Variants in CASP8 observed in about 807,000 individuals in gnomAD.
CASP8 encodes the protein caspase-8.
Under a neutral mutation model 46.3 loss-of-function variants are expected in CASP8, and 24 were observed. The ratio of observed to expected loss-of-function variants is 0.52; its 90% confidence interval spans 0.38 to 0.73. The LOEUF (loss-of-function observed/expected upper bound fraction) is 0.73, where lower values mean the gene tolerates loss of function less well. CASP8 is among the 30% of genes least tolerant of loss of function. CASP8 has a pLI of 0.00. For synonymous variants in CASP8, 188 were observed against 200.4 expected (o/e 0.94, Z 0.52); for missense variants, 460 against 559.0 (o/e 0.82, Z 1.79).
chr2:201,279,236 C>T (rs1257231768), intron 7 of CASP8, among the ~76,000 whole-genome samples: 1 of 152,256 alleles, frequency 6.6e-6, no homozygotes, highest in East Asian at 1.9e-4. Flanking sequence ...TATTCTTATT[C>T]TACCATCATA....
Position 201,260,624 on chromosome 2 carries a change from G to A in CASP8, c.-27+11G>A. On this transcript the variant is annotated intron_variant, in intron 1 of 8. Coordinates refer to ENST00000673742, the MANE Select transcript of CASP8 (RefSeq NM_001372051.1). Reference sequence around the variant, plus strand: ...CATCGTGAGAGTAAGGTAAGGATTTGCCTCTTTGTTAAGGTCAGAGGGGCC... The same window carrying A: ...CATCGTGAGAGTAAGGTAAGGATTTACCTCTTTGTTAAGGTCAGAGGGGCC... 2.1e-6 allele frequency: 2 copies of A among 952,270 alleles called. No homozygotes were observed. Among genetic ancestry groups the A allele is most frequent in the African/African-American group, 1.8e-5 (1 of 56,676 alleles). The allele number at this position is 952,270 out of a possible 1,614,324, so 59.0% of individuals were successfully genotyped here.
chr2:201,274,929 A>C lies in CASP8; in HGVS notation c.636A>C (p.Pro212=). The part of the protein sequence containing the change: ...LCGVMTISDS[P]REQDSESQTL... ...GGGTAATGACAATCTCGGACTCTCC[A>C]AGAGAACAGGATAGTGAATCACAGG... Residue 212 remains proline (P), a synonymous_variant, in exon 6 of 9, where the codon CCA becomes CCC. Transcript: ENST00000673742. 2 of 1,613,210 alleles carry C rather than the reference A, an allele frequency of 1.2e-6. No homozygotes were observed. The highest frequency in any genetic ancestry group is 1.7e-6 in the Non-Finnish European group (2 of 1,179,240).
chr2:201,284,828 C>T lies in CASP8; in HGVS notation c.815C>T (p.Thr272Met), dbSNP rs139337151. Residue 272 changes from threonine (T) to methionine (M), a missense_variant, in exon 8 of 9, where the codon ACG (threonine) becomes ATG (methionine). Physicochemically the swap from Thr to Met is moderately conservative, Grantham distance 81 (BLOSUM62 -1). Coordinates refer to ENST00000673742, the MANE Select transcript of CASP8 (RefSeq NM_001372051.1). Reference protein sequence around the residue: ...GTHLDAGALTTTFEELHFEIK... With the variant: ...GTHLDAGALTMTFEELHFEIK... Reference sequence around the variant, plus strand: ...TTTCACTTTTCAGGGGCTTTGACCACGACCTTTGAAGAGCTTCATTTTGAG... The same window carrying T: ...TTTCACTTTTCAGGGGCTTTGACCATGACCTTTGAAGAGCTTCATTTTGAG... The T allele has an allele frequency of 1.7e-5, 27 of 1,613,530 alleles. No homozygotes were observed. Among genetic ancestry groups the T allele is most frequent in the South Asian group, 5.5e-5 (5 of 91,068 alleles).
upstream of CASP8, among the ~76,000 whole-genome samples, chr2:201,255,549 G>A (rs1946976864): frequency 6.6e-6 from 1 of 152,182 alleles, no homozygotes; most frequent in Admixed American, 6.5e-5. Flanking sequence ...CTGCTAGGCT[G>A]GGCCTGGGTA....
intron 2 of CASP8, among the ~76,000 whole-genome samples, chr2:201,251,464 G>A (rs1427439783): frequency 6.0e-5 from 9 of 149,980 alleles, no homozygotes; most frequent in Non-Finnish European, 8.9e-5. Flanking sequence ...GCGTGGTGGC[G>A]TGTGCCTGTA....
intron 7 of CASP8, chr2:201,281,849 T>C: frequency 2.7e-6 from 4 of 1,469,770 alleles, no homozygotes; most frequent in Non-Finnish European, 3.6e-6. Context: ...AGAATGTTTT[T>C]AGCTGGTGGC....
chr2:201,253,293 CTTTTTTTTTTTTTTTTTT>C (rs34341476), intron 2 of CASP8, among the ~76,000 whole-genome samples: 2 of 67,964 alleles, frequency 2.9e-5, no homozygotes, highest in Non-Finnish European at 5.2e-5. Context: ...CTAGCCTGAT[CTTTTTTTTTTTTTTTTTT>C]TTTTTTTTTT....
At chr2:201,268,647 AT>A (rs1251899903) in intron 2 of CASP8, among the ~76,000 whole-genome samples, 1 of 152,234 alleles carries the variant, frequency 6.6e-6, no homozygotes, top group African/African-American at 2.4e-5. Context: ...AGTTTTTAAA[AT>A]GTGTTTTCAC....
intron 2 of CASP8, among the ~76,000 whole-genome samples, chr2:201,253,938 G>T (rs1946900277): frequency 6.6e-6 from 1 of 151,990 alleles, no homozygotes; most frequent in Non-Finnish European, 1.5e-5. Flanking sequence ...AAAATTAGCT[G>T]GGTGTGGTGG....
chr2:201,256,466 C>T (rs1947023513), upstream of CASP8, among the ~76,000 whole-genome samples: 1 of 152,180 alleles, frequency 6.6e-6, no homozygotes, highest in South Asian at 2.1e-4. Flanking sequence ...TTAGCTTGTG[C>T]CTTTATTAGG....
chr2:201,262,131 A>G (rs1947462327), intron 1 of CASP8: 1 of 152,172 alleles, frequency 6.6e-6, no homozygotes. Context: ...AGCTGCAAGT[A>G]GAATGACGTC....
intron 2 of CASP8, among the ~76,000 whole-genome samples, chr2:201,247,190 CAAAA>C (rs71022356): frequency 0.015 from 1,221 of 81,364 alleles, 9 homozygotes; most frequent in Admixed American, 0.039. Context: ...CTGTCTGTCT[CAAAA>C]AAAAAAAAAA....
intron 2 of CASP8, among the ~76,000 whole-genome samples, chr2:201,246,800 A>G (rs1946540936): frequency 6.6e-6 from 1 of 152,168 alleles, no homozygotes; most frequent in Admixed American, 6.5e-5. Context: ...TGGAACGCAA[A>G]ATGTTCTTCA....
At chr2:201,268,611 G>C (rs1374555479) in intron 2 of CASP8, among the ~76,000 whole-genome samples, 1 of 152,150 alleles carries the variant, frequency 6.6e-6, no homozygotes, top group East Asian at 1.9e-4. Flanking sequence ...CTGTAACAAA[G>C]TAACACAAAC....
At chr2:201,276,441 C>G (rs1948637386) in intron 6 of CASP8, among the ~76,000 whole-genome samples, 1 of 152,202 alleles carries the variant, frequency 6.6e-6, no homozygotes. Flanking sequence ...CAAAGACATT[C>G]ATTCATTCAG....
At chr2:201,256,585 A>C (rs1206197214), upstream of CASP8, among the ~76,000 whole-genome samples, 2 of 152,176 alleles carry the variant, frequency 1.3e-5, no homozygotes, top group Admixed American at 1.3e-4. Context: ...ATTCATTCCA[A>C]ATTTGAAGTG....
chr2:201,258,607 GCTA>G (rs1947158854), upstream of CASP8, among the ~76,000 whole-genome samples: 1 of 152,158 alleles, frequency 6.6e-6, no homozygotes, highest in African/African-American at 2.4e-5. Flanking sequence ...CAGTTCCTCT[GCTA>G]CCTTTTTGTC....
intron 8 of CASP8, among the ~76,000 whole-genome samples, chr2:201,286,030 G>A (rs1242057241): frequency 6.6e-6 from 1 of 152,214 alleles, no homozygotes; most frequent in Admixed American, 6.5e-5. Context: ...AGAAGAAGGT[G>A]GGAGTAGCTG....
At chr2:201,273,877 G>A (rs2125277764) in intron 5 of CASP8, among the ~76,000 whole-genome samples, 1 of 151,886 alleles carries the variant, frequency 6.6e-6, no homozygotes, top group East Asian at 1.9e-4. Flanking sequence ...GTTTCGCTAT[G>A]TTGCCCAGGC....
Sources: allele counts gnomAD v4.1 joint callset (sites outside exome capture counted in the v4.1 genomes callset), GRCh38; gene constraint gnomAD v4.1.1; transcripts MANE v1.5; gene names NCBI Gene and HGNC (gene_info 2026-07-23, HGNC 2026-07-21).